Variants in CCDC125 observed in about 807,000 individuals in gnomAD.
CCDC125 encodes coiled-coil domain containing 125.
Under a neutral mutation model 57.4 loss-of-function variants are expected in CCDC125, and 43 were observed. The observed-to-expected ratio is 0.75, with a 90% CI of 0.59 to 0.97. The LOEUF (loss-of-function observed/expected upper bound fraction) is 0.97. Ranked by LOEUF, CCDC125 falls within the 50% of genes least tolerant of loss-of-function variation. The pLI, the probability that CCDC125 is intolerant of heterozygous loss-of-function variation, is 0.00. For synonymous variants in CCDC125, 187 were observed against 195.2 expected (o/e 0.96, Z 0.35); for missense variants, 563 against 595.7 (o/e 0.95, Z 0.57).
At chr5:69,317,973 AT>A (rs34680998) in intron 2 of CCDC125, among the ~76,000 whole-genome samples, 2,181 of 82,304 alleles carry the variant, frequency 0.026, 19 homozygotes, top group African/African-American at 0.088. Context: ...TGTCTCTAGA[AT>A]TTTTTTTTTT....
chr5:69,311,690 C>A (rs1283412972), intron 3 of CCDC125, among the ~76,000 whole-genome samples: 3 of 151,258 alleles, frequency 2.0e-5, no homozygotes, highest in Non-Finnish European at 4.4e-5. Context: ...GTGGCTCACA[C>A]CTGTAATCCC....
chr5:69,330,592 T>TA (rs11296299), intron 1 of CCDC125, among the ~76,000 whole-genome samples: 74,067 of 147,974 alleles, frequency 0.5, 18,466 homozygotes, highest in East Asian at 0.58. Context: ...AGACTCCATC[T>TA]AAAAAAAAAA....
At chr5:69,328,671 T>C (rs1197862922) in intron 1 of CCDC125, among the ~76,000 whole-genome samples, 1 of 152,188 alleles carries the variant, frequency 6.6e-6, no homozygotes, top group Non-Finnish European at 1.5e-5. Flanking sequence ...TTTTTCCATA[T>C]ACCATTTTTA....
Position 69,282,654 on chromosome 5 carries a change from G to A in CCDC125, c.*75C>T. 1 of 1,310,508 alleles carries A rather than the reference G, an allele frequency of 7.6e-7. No homozygotes were observed. The highest frequency in any genetic ancestry group is 1.0e-6 in the Non-Finnish European group (1 of 956,364). 81.2% of individuals were successfully genotyped at this position (1,310,508 alleles called of 1,614,324 possible). On this transcript the variant is annotated 3_prime_UTR_variant, in exon 12 of 12. Transcript: ENST00000396496. ...GAAACATACAACTTCTCAAGATGCA[G>A]CAAAATTTACAAAATCATTTTTCAA...
intron 2 of CCDC125, among the ~76,000 whole-genome samples, chr5:69,315,980 T>C (rs1233988256): frequency 1.5e-5 from 2 of 136,008 alleles, no homozygotes; most frequent in Admixed American, 7.3e-5. Flanking sequence ...TAAGCAAGAG[T>C]ATAGGAAGTA....
intron 1 of CCDC125, among the ~76,000 whole-genome samples, chr5:69,322,778 G>A (rs1302932465): frequency 6.6e-6 from 1 of 150,408 alleles, no homozygotes; most frequent in East Asian, 2.1e-4. Flanking sequence ...GGTCAGGCTG[G>A]TCTCAAACTC....
chr5:69,288,599 T>C (rs903863776), intron 10 of CCDC125, among the ~76,000 whole-genome samples: 20 of 152,216 alleles, frequency 1.3e-4, no homozygotes, highest in African/African-American at 4.3e-4. Context: ...TCCTTTATAA[T>C]AAACTGGTAA....
intron 3 of CCDC125, among the ~76,000 whole-genome samples, chr5:69,312,659 G>A (rs1308028905): frequency 6.6e-6 from 1 of 152,154 alleles, no homozygotes; most frequent in African/African-American, 2.4e-5. Context: ...GAGAAGTGGG[G>A]TGGAAAGGAG....
At chr5:69,323,302 C>G (rs1261423011) in intron 1 of CCDC125, among the ~76,000 whole-genome samples, 3 of 150,960 alleles carry the variant, frequency 2.0e-5, no homozygotes, top group Non-Finnish European at 4.4e-5. Flanking sequence ...GAGAAAGACT[C>G]CATCTCAAAA....
chr5:69,300,248 C>G, intron 7 of CCDC125, 121 bp from the exon 8 acceptor site: 1 of 702,004 alleles, frequency 1.4e-6, no homozygotes, highest in Admixed American at 2.2e-5. Context: ...CAACATCGGG[C>G]TCCATTCAGA....
chr5:69,274,638 C>T, the CCDC125 span, among the ~76,000 whole-genome samples: 4 of 152,092 alleles, frequency 2.6e-5, no homozygotes, highest in East Asian at 1.9e-4. Context: ...ATTTTTGAGA[C>T]GAAGTCTTGC....
intron 11 of CCDC125, among the ~76,000 whole-genome samples, chr5:69,283,369 G>C (rs9885507): frequency 6.6e-6 from 1 of 151,194 alleles, no homozygotes; most frequent in Non-Finnish European, 1.5e-5. Flanking sequence ...ACAGGTGCCC[G>C]CCACCACACC....
At position 69,287,335 on chromosome 5, in the gene CCDC125, C is replaced by A. The variant is rs557376639; in HGVS notation, c.1100-1868G>T. ...CTGGAGTGCAACAGCGCAATCTTGG[C>A]TCACCACAACCTCTGCCTCCCGGGT... On this transcript the variant is annotated intron_variant, in intron 10 of 11. Transcript: ENST00000396496. 1.1e-4 allele frequency among the ~76,000 whole-genome samples: 17 copies of A among 149,832 alleles called. No homozygotes were observed. The East Asian group carries it at 3.1e-3, about 28-fold the overall frequency.
At position 69,306,746 on chromosome 5, in the gene CCDC125, A is replaced by G. The variant is rs2150477757; in HGVS notation, c.617+71T>C. 3 of 1,324,218 alleles carry G rather than the reference A, an allele frequency of 2.3e-6. No homozygotes were observed. In the East Asian group the frequency reaches 8.5e-5, roughly 37 times the overall value. 82.0% of individuals were successfully genotyped at this position (1,324,218 alleles called of 1,614,324 possible). Reference sequence around the variant, plus strand: ...ATTTTGCACTTGGCTCAAAGAAGAAAGCATAAATTACTTTTGAATTACATA... The same window carrying G: ...ATTTTGCACTTGGCTCAAAGAAGAAGGCATAAATTACTTTTGAATTACATA... On this transcript the variant is annotated intron_variant, in intron 6 of 11. Coordinates refer to ENST00000396496, the MANE Select transcript of CCDC125 (RefSeq NM_176816.5).
chr5:69,323,232 C>T (rs925805333), intron 1 of CCDC125, among the ~76,000 whole-genome samples: 17 of 151,924 alleles, frequency 1.1e-4, no homozygotes, highest in African/African-American at 4.1e-4. Flanking sequence ...TTGCTTGAAC[C>T]TGGGAGACAG....
At position 69,282,800 on chromosome 5, in the gene CCDC125, G is replaced by A; in HGVS notation, c.1465C>T (p.His489Tyr). Reference protein sequence around the residue: ...NSVGCICSIQHSQIDPNYRTL... With the variant: ...NSVGCICSIQYSQIDPNYRTL... ...CTATAGTTTGGATCTATTTGAGAGTGCTGGATTGAACAAATGCAGCCCACA... is the reference window on the plus strand; with the variant it reads ...CTATAGTTTGGATCTATTTGAGAGTACTGGATTGAACAAATGCAGCCCACA... Residue 489 changes from histidine to tyrosine, a missense_variant, in exon 12 of 12, where the codon CAC becomes TAC. By Grantham distance (83) the His-to-Tyr change is moderately conservative. Transcript: ENST00000396496. 1 of 1,614,056 alleles carries A rather than the reference G, an allele frequency of 6.2e-7. No homozygotes were observed. The highest frequency in any genetic ancestry group is 1.1e-5 in the South Asian group (1 of 91,074).
intron 1 of CCDC125, among the ~76,000 whole-genome samples, chr5:69,325,390 C>T (rs1760601840): frequency 6.6e-6 from 1 of 150,662 alleles, no homozygotes; most frequent in Non-Finnish European, 1.5e-5. Flanking sequence ...ATGTGCTAGA[C>T]AGTTTTAAGT....
chr5:69,311,451 G>C (rs991488959), intron 3 of CCDC125, among the ~76,000 whole-genome samples: 1 of 152,068 alleles, frequency 6.6e-6, no homozygotes, highest in Non-Finnish European at 1.5e-5. Context: ...AGGAGTTCAC[G>C]ACCAGCCTGG....
chr5:69,329,116 C>T lies in CCDC125; in HGVS notation c.-41+3533G>A, dbSNP rs1761096020. Reference sequence around the variant, plus strand: ...CCTACCTTTGACTTTTAAAAGACGACTTGAACCAACATATCAATATATGCT... The same window carrying T: ...CCTACCTTTGACTTTTAAAAGACGATTTGAACCAACATATCAATATATGCT... On this transcript the variant is annotated intron_variant, in intron 1 of 11. Transcript: ENST00000396496. Among the ~76,000 whole-genome samples the T allele has an allele frequency of 2.0e-5, 3 of 151,506 alleles. 1 individual carries two copies. The South Asian group carries it at 6.3e-4, about 32-fold the overall frequency.
Sources: gnomAD v4.1 joint callset for allele counts (sites outside exome capture counted in the v4.1 genomes callset) on GRCh38, gnomAD v4.1.1 for gene constraint, MANE v1.5 for transcripts, NCBI Gene and HGNC (gene_info 2026-07-23, HGNC 2026-07-21) for gene names.